Variants in CARTPT observed in about 807,000 individuals in gnomAD.
CARTPT encodes CART prepropeptide, also known as cocaine- and amphetamine-regulated transcript protein.
CARTPT carries 6 observed loss-of-function variants against 12.2 expected under a neutral mutation model. The ratio of observed to expected loss-of-function variants is 0.49; its 90% CI spans 0.27 to 0.97. The LOEUF (loss-of-function observed/expected upper bound fraction) is 0.97, where lower values mean the gene tolerates loss of function less well. CARTPT is among the 50% of genes least tolerant of loss of function. CARTPT has a pLI of 0.12. For missense variants in CARTPT, 135 were observed against 142.0 expected, an observed-to-expected ratio of 0.95 and a Z score of 0.25; for synonymous variants, 75 against 64.1, an observed-to-expected ratio of 1.17 and a Z score of -0.82.
Position 71,720,780 on chromosome 5 carries a change from G to A in CARTPT, c.*165G>A, listed in dbSNP as rs1748693375. The A allele has an allele frequency of 6.0e-6, 4 of 663,768 alleles. 1 individual carries two copies. In the East Asian group the frequency reaches 1.1e-4, roughly 18 times the overall value. 41.1% of individuals were successfully genotyped at this position (663,768 alleles called of 1,614,324 possible). A position where few individuals can be genotyped will look rare whatever the true frequency, so the allele number is the denominator to read the frequency against. On this transcript the variant is annotated 3_prime_UTR_variant, in exon 3 of 3. Transcript: ENST00000296777. ...TCAAAAATAAAAGAACACATTAGAT[G>A]TTACTGTGTGAAGAATAATGCCTTG...
chr5:71,719,817 G>A lies in CARTPT; in HGVS notation c.160-63G>A, dbSNP rs1748670194. 13 of 1,490,544 alleles carry A rather than the reference G, an allele frequency of 8.7e-6. No homozygotes were observed. In the Admixed American group the frequency reaches 2.2e-4, roughly 25 times the overall value. The allele number at this position is 1,490,544 out of a possible 1,614,324, so 92.3% of individuals were successfully genotyped here. Reference sequence around the variant, plus strand: ...GCTCCTTATAACTAGGGCTGGAAGTGCGCACCTGGGCTGGGCTCGCAGCCA... The same window carrying A: ...GCTCCTTATAACTAGGGCTGGAAGTACGCACCTGGGCTGGGCTCGCAGCCA... On this transcript the variant is annotated intron_variant, in intron 1 of 2. Transcript: ENST00000296777.
rs938541229 is a variant in CARTPT at position 71,721,000 on chromosome 5, A to G, written c.*385A>G. 5.5e-5 allele frequency: 14 copies of G among 254,034 alleles called. No homozygotes were observed. Among genetic ancestry groups the G allele is most frequent in the Non-Finnish European group, 1.1e-4 (14 of 129,270 alleles). The allele number at this position is 254,034 out of a possible 1,614,324, so 15.7% of individuals were successfully genotyped here. A position where few individuals can be genotyped will look rare whatever the true frequency, so the allele number is the denominator to read the frequency against. On this transcript the variant is annotated 3_prime_UTR_variant, in exon 3 of 3. Coordinates refer to ENST00000296777, the MANE Select transcript of CARTPT (RefSeq NM_004291.4). ...AAATAAATCACCCTAAGTGACACAA[A>G]TTGAAGCATGTACAAATTATACATA...
At chr5:71,719,696 C>G in intron 1 of CARTPT, 184 bp from the exon 2 acceptor site, 1 of 753,682 alleles carries the variant, frequency 1.3e-6, no homozygotes, top group Non-Finnish European at 2.3e-6. Flanking sequence ...CTCAGAGACC[C>G]GCGGTCAGTA....
Position 71,720,869 on chromosome 5 carries a change from T to C in CARTPT, c.*254T>C, listed in dbSNP as rs966257172. On this transcript the variant is annotated 3_prime_UTR_variant, in exon 3 of 3. Transcript: ENST00000296777. ...TTGTCTGACAAACTCTTGTGTACCT[T>C]TGTGTAAAGAAGGGAAGCTTTGTTT... 2.3e-5 allele frequency: 11 copies of C among 478,400 alleles called. No individual in the cohort carries two copies. Among genetic ancestry groups the C allele is most frequent in the African/African-American group, 2.0e-4 (10 of 51,244 alleles). 29.6% of individuals were successfully genotyped at this position (478,400 alleles called of 1,614,324 possible).
intron 1 of CARTPT, 110 bp from the exon 2 acceptor site, chr5:71,719,770 G>T (rs1748669079): frequency 4.0e-6 from 4 of 1,004,356 alleles, no homozygotes; most frequent in Non-Finnish European, 6.3e-6. Context: ...GAGTCCCACC[G>T]CAGAGTGCGT....
chr5:71,719,733 A>G (rs1748668189), intron 1 of CARTPT, 147 bp from the exon 2 acceptor site: 1 of 836,138 alleles, frequency 1.2e-6, no homozygotes, highest in Non-Finnish European at 2.0e-6. Flanking sequence ...CTAAGTTTCC[A>G]CCCCTCGACC....
At chr5:71,720,408 T>A in intron 2 of CARTPT, 100 bp from the exon 3 acceptor site, 1 of 982,834 alleles carries the variant, frequency 1.0e-6, no homozygotes, top group Non-Finnish European at 1.6e-6. Context: ...TGGGGTCCAA[T>A]TGCCCCTTTC....
chr5:71,719,909 G>A lies in CARTPT; in HGVS notation c.189G>A (p.Lys63=). The A allele has an allele frequency of 1.2e-6, 2 of 1,614,214 alleles. No individual in the cohort carries two copies. The highest frequency in any genetic ancestry group is 1.7e-6 in the Non-Finnish European group (2 of 1,180,028). The change falls in exon 2 of 3, where the codon AAG becomes AAA. Residue 63 remains lysine, a synonymous_variant. Transcript: ENST00000296777. ...LIEALQEVLK[K]LKSKRVPIYE... The stretch of plus-strand genomic sequence containing the variant: ...AAGCGCTGCAAGAAGTCTTGAAGAA[G>A]CTCAAGAGTAAACGTGTTCCCATCT...
In CARTPT at chr5:71,720,543, GGC is replaced by G. The variant is rs1561186370; in HGVS notation, c.280_281del (p.Ala94LysfsTer7). ...AGEQCAVRKG[A>X]RIGKLCDCPR... ...GTGAGCAGTGTGCAGTGAGGAAAGG[GGC>G]AAGGATCGGGAAGCTGTGTGACTGT... On this transcript the variant is annotated frameshift_variant, in exon 3 of 3. Transcript: ENST00000296777. LOFTEE classifies it high-confidence loss of function. The G allele has an allele frequency of 6.2e-7, 1 of 1,613,270 alleles. No homozygotes were observed. Among genetic ancestry groups the G allele is most frequent in the Non-Finnish European group, 8.5e-7 (1 of 1,179,792 alleles).
chr5:71,720,517 G>T lies in CARTPT; in HGVS notation c.253G>T (p.Gly85Cys), dbSNP rs1240971783. 6.2e-7 allele frequency: 1 copy of T among 1,612,156 alleles called. No homozygotes were observed. The highest frequency in any genetic ancestry group is 2.2e-5 in the East Asian group (1 of 44,838). The part of the protein sequence containing the change: ...KYGQVPMCDA[G>C]EQCAVRKGAR... ...CATTTTGTTGTTTCAGTGTGACGCC[G>T]GTGAGCAGTGTGCAGTGAGGAAAGG... is the stretch of plus-strand genomic sequence containing the variant. Residue 85 changes from glycine (G) to cysteine (C), a missense_variant, in exon 3 of 3, where the codon GGT becomes TGT. By Grantham distance (159) the Gly-to-Cys change is radical (BLOSUM62 -3). Coordinates refer to ENST00000296777, the MANE Select transcript of CARTPT (RefSeq NM_004291.4).
chr5:71,720,087 TGTGG>T, intron 2 of CARTPT, 124 bp downstream of exon 2: 1 of 843,934 alleles, frequency 1.2e-6, no homozygotes, highest in Non-Finnish European at 2.0e-6. Flanking sequence ...TGCAGGATTC[TGTGG>T]GCTCCTTCTT....
At position 71,719,450 on chromosome 5, in the gene CARTPT, C is replaced by G; in HGVS notation, c.157C>G (p.Leu53Val). The G allele has an allele frequency of 6.2e-7, 1 of 1,614,150 alleles. No homozygotes were observed. The highest frequency in any genetic ancestry group is 8.5e-7 in the Non-Finnish European group (1 of 1,180,038). Residue 53 changes from leucine (L) to valine (V), a missense_variant and splice_region_variant, in exon 1 of 3, where the codon CTG (leucine) becomes GTG (valine). Coordinates refer to ENST00000296777, the MANE Select transcript of CARTPT (RefSeq NM_004291.4). The stretch of plus-strand genomic sequence containing the variant: ...GGATGATGCCTCCCACGAGAAGGAG[C>G]TGGTCGGTATTCCCCTCGCTCTCGA... ...AVDDASHEKE[L>V]IEALQEVLKK... is the part of the protein sequence containing the mutation.
chr5:71,720,464 C>G, intron 2 of CARTPT, 44 bp from the exon 3 acceptor site: 1 of 1,553,718 alleles, frequency 6.4e-7, no homozygotes. Context: ...TGTTGGGAAC[C>G]TGGGTTTGTT....
At chr5:71,719,778 C>A (rs2112521049) in intron 1 of CARTPT, 102 bp from the exon 2 acceptor site, 3 of 1,050,438 alleles carry the variant, frequency 2.9e-6, no homozygotes, top group South Asian at 2.5e-5. Context: ...CCGCAGAGTG[C>A]GTGTGGGTCC....
At position 71,720,887 on chromosome 5, in the gene CARTPT, C is replaced by A. The variant is rs1748695618; in HGVS notation, c.*272C>A. 4.7e-6 allele frequency: 2 copies of A among 428,648 alleles called. No individual in the cohort carries two copies. Among genetic ancestry groups the A allele is most frequent in the South Asian group, 5.1e-5 (2 of 38,860 alleles). The allele number at this position is 428,648 out of a possible 1,614,324, so 26.6% of individuals were successfully genotyped here. A position where few individuals can be genotyped will look rare whatever the true frequency, so the allele number is the denominator to read the frequency against. ...TGTACCTTTGTGTAAAGAAGGGAAG[C>A]TTTGTTTGAAAATTGTATTTTTGTA... On this transcript the variant is annotated 3_prime_UTR_variant, in exon 3 of 3. Transcript: ENST00000296777.
At chr5:71,720,468 G>C in intron 2 of CARTPT, 40 bp from the exon 3 acceptor site, 2 of 1,566,954 alleles carry the variant, frequency 1.3e-6, no homozygotes, top group Non-Finnish European at 1.7e-6. Context: ...GGGAACCTGG[G>C]TTTGTTCATA....
Position 71,720,574 on chromosome 5 carries a change from C to A in CARTPT, c.310C>A (p.Arg104=), listed in dbSNP as rs78011348. Residue 104 remains arginine, a synonymous_variant, in exon 3 of 3, where the codon CGA becomes AGA. Coordinates refer to ENST00000296777, the MANE Select transcript of CARTPT (RefSeq NM_004291.4). ...ARIGKLCDCP[R]GTSCNSFLLK... is the part of the protein sequence containing the mutation. ...GATCGGGAAGCTGTGTGACTGTCCC[C>A]GAGGAACCTCCTGCAATTCCTTCCT... The A allele has an allele frequency of 1.6e-5, 25 of 1,612,474 alleles. No homozygotes were observed. The highest frequency in any genetic ancestry group is 2.0e-5 in the Non-Finnish European group (23 of 1,179,476).
intron 2 of CARTPT, 132 bp from the exon 3 acceptor site, chr5:71,720,376 C>T (rs1748683528): frequency 2.6e-6 from 2 of 765,002 alleles, no homozygotes; most frequent in Non-Finnish European, 4.6e-6. Flanking sequence ...TCTGACTGTA[C>T]GTAGACCTCT....
At position 71,720,515 on chromosome 5, in the gene CARTPT, C is replaced by T; in HGVS notation, c.251C>T (p.Ala84Val). 2 of 1,612,026 alleles carry T rather than the reference C, an allele frequency of 1.2e-6. No individual in the cohort carries two copies. Among genetic ancestry groups the T allele is most frequent in the South Asian group, 2.2e-5 (2 of 90,326 alleles). The stretch of plus-strand genomic sequence containing the variant: ...CACATTTTGTTGTTTCAGTGTGACG[C>T]CGGTGAGCAGTGTGCAGTGAGGAAA... ...KKYGQVPMCD[A>V]GEQCAVRKGA... The change falls in exon 3 of 3, where the codon GCC becomes GTC. Residue 84 changes from alanine to valine, a missense_variant. Transcript: ENST00000296777.
Sources: gnomAD v4.1 joint callset for allele counts on GRCh38, gnomAD v4.1.1 for gene constraint, MANE v1.5 for transcripts, NCBI Gene and HGNC (gene_info 2026-07-23, HGNC 2026-07-21) for gene names.